Variants in FGF1 observed in about 807,000 individuals in gnomAD.
FGF1 encodes beta-endothelial cell growth factor.
FGF1 carries 9 observed loss-of-function variants against 13.4 expected under a neutral mutation model. The ratio of observed to expected loss-of-function variants is 0.67; its 90% CI spans 0.40 to 1.17. FGF1 has a LOEUF of 1.17. Among genes scored for constraint, FGF1 ranks in the 50% most tolerant of loss-of-function variants. The pLI is 0.01. For synonymous variants in FGF1, 93 were observed against 79.0 expected (o/e 1.18, Z -0.94); for missense variants, 156 against 192.7 (o/e 0.81, Z 1.13).
intron 1 of FGF1, among the ~76,000 whole-genome samples, chr5:142,650,209 T>C (rs1766979401): frequency 6.6e-6 from 1 of 152,138 alleles, no homozygotes. Context: ...GGAGATGACA[T>C]TGACTGACTG....
intron 3 of FGF1, 21 bp from the exon 4 acceptor site, chr5:142,595,505 GA>G: frequency 6.2e-7 from 1 of 1,603,928 alleles, no homozygotes; most frequent in East Asian, 2.2e-5. Flanking sequence ...AAAACCAAAA[GA>G]GAGTAGGACA....
In FGF1 at chr5:142,618,568, A is replaced by T. The variant is rs541034848; in HGVS notation, c.-34-4407T>A. On this transcript the variant is annotated intron_variant, in intron 1 of 3. Coordinates refer to ENST00000337706, the MANE Select transcript of FGF1 (RefSeq NM_000800.5). The stretch of plus-strand genomic sequence containing the variant: ...TCAGCTGTGATTAAATGCTTAATTT[A>T]AAATAATTTTTTAATTGGTTTGAAA... 3.3e-5 allele frequency among the ~76,000 whole-genome samples: 5 copies of T among 152,314 alleles called. No homozygotes were observed. In the South Asian group the frequency reaches 8.3e-4, roughly 25 times the overall value.
intron 1 of FGF1, among the ~76,000 whole-genome samples, chr5:142,641,137 T>C (rs1765141111): frequency 6.6e-6 from 1 of 152,046 alleles, no homozygotes; most frequent in Non-Finnish European, 1.5e-5. Context: ...TTTGAGACTT[T>C]CCAGTGGAGA....
chr5:142,671,184 T>G (rs1771395877), intron 1 of FGF1, among the ~76,000 whole-genome samples: 2 of 152,224 alleles, frequency 1.3e-5, no homozygotes, highest in South Asian at 4.1e-4. Context: ...GCTTGCTGTT[T>G]GTAAGGAAAA....
intron 2 of FGF1, among the ~76,000 whole-genome samples, chr5:142,602,176 CTT>C (rs5871820): frequency 2.8e-5 from 4 of 145,028 alleles, no homozygotes; most frequent in African/African-American, 7.5e-5. Context: ...GTGTTCTTTT[CTT>C]TTTTTTTTTT....
intron 1 of FGF1, among the ~76,000 whole-genome samples, chr5:142,616,014 C>T (rs1003108874): frequency 3.3e-5 from 5 of 152,214 alleles, no homozygotes; most frequent in African/African-American, 1.2e-4. Context: ...CCATGCATCT[C>T]CACCTTCTCC....
At chr5:142,679,221 C>T (rs1773245844) in intron 1 of FGF1, among the ~76,000 whole-genome samples, 1 of 152,170 alleles carries the variant, frequency 6.6e-6, no homozygotes, top group Non-Finnish European at 1.5e-5. Context: ...CTGCACTCAG[C>T]CACACTGGCC....
intron 1 of FGF1, among the ~76,000 whole-genome samples, chr5:142,660,308 G>T (rs563085791): frequency 6.6e-6 from 1 of 152,332 alleles, no homozygotes; most frequent in East Asian, 1.9e-4. Context: ...GGAAGAGTTG[G>T]CCCCCGGCAC....
upstream of FGF1, among the ~76,000 whole-genome samples, chr5:142,689,048 A>T (rs1751714252): frequency 6.6e-6 from 1 of 152,146 alleles, no homozygotes; most frequent in Non-Finnish European, 1.5e-5. Flanking sequence ...TGCCCCCAAT[A>T]TATACATTTT....
chr5:142,651,843 T>G (rs1329265862), intron 1 of FGF1, among the ~76,000 whole-genome samples: 3 of 151,164 alleles, frequency 2.0e-5, no homozygotes, highest in African/African-American at 4.9e-5. Context: ...TTTTTTTTTT[T>G]TGTGCTGAAT....
At chr5:142,645,444 C>G (rs1765862422) in intron 1 of FGF1, among the ~76,000 whole-genome samples, 1 of 152,122 alleles carries the variant, frequency 6.6e-6, no homozygotes, top group Non-Finnish European at 1.5e-5. Flanking sequence ...TGGATGAGAA[C>G]CTGGGCTTTG....
chr5:142,675,985 A>G (rs1471325581), intron 1 of FGF1, among the ~76,000 whole-genome samples: 3 of 152,166 alleles, frequency 2.0e-5, no homozygotes, highest in Non-Finnish European at 4.4e-5. Context: ...GGGAACATCT[A>G]CAGCTTAAAA....
At chr5:142,626,523 C>T (rs1405178139) in intron 1 of FGF1, among the ~76,000 whole-genome samples, 2 of 152,178 alleles carry the variant, frequency 1.3e-5, no homozygotes, top group African/African-American at 4.8e-5. Flanking sequence ...GAATAAAATG[C>T]CCCTTGAACT....
chr5:142,684,060 C>T (rs1027989044), intron 1 of FGF1, among the ~76,000 whole-genome samples: 9 of 152,168 alleles, frequency 5.9e-5, no homozygotes, highest in East Asian at 3.8e-4. Context: ...CTTTGCACTG[C>T]GGACTCGCCC....
chr5:142,674,422 G>C (rs557731104), intron 1 of FGF1, among the ~76,000 whole-genome samples: 1 of 152,180 alleles, frequency 6.6e-6, no homozygotes, highest in Non-Finnish European at 1.5e-5. Flanking sequence ...AAAGTCCCTG[G>C]AGAGGGGGAC....
chr5:142,617,351 C>T (rs145364201), intron 1 of FGF1, among the ~76,000 whole-genome samples: 2,311 of 151,610 alleles, frequency 0.015, 62 homozygotes, highest in African/African-American at 0.052. Context: ...GGCGACAGAG[C>T]GAGACTCTGT....
At chr5:142,616,338 A>G (rs776066514) in intron 1 of FGF1, among the ~76,000 whole-genome samples, 7 of 152,224 alleles carry the variant, frequency 4.6e-5, no homozygotes, top group Non-Finnish European at 8.8e-5. Flanking sequence ...AGGTGCCTCC[A>G]AGAATCCCAA....
chr5:142,663,467 G>C (rs998259970), intron 1 of FGF1, among the ~76,000 whole-genome samples: 45 of 152,090 alleles, frequency 3.0e-4, no homozygotes, highest in East Asian at 7.7e-4. Flanking sequence ...AGAGAACAAG[G>C]GTGTTTTAAA....
chr5:142,676,249 G>C (rs1446663543), intron 1 of FGF1, among the ~76,000 whole-genome samples: 1 of 152,146 alleles, frequency 6.6e-6, no homozygotes, highest in Non-Finnish European at 1.5e-5. Flanking sequence ...CAGAAAATTT[G>C]CCAGCCGCAA....
Sources: gnomAD v4.1 joint callset for allele counts (sites outside exome capture counted in the v4.1 genomes callset) on GRCh38, gnomAD v4.1.1 for gene constraint, MANE v1.5 for transcripts, NCBI Gene and HGNC (gene_info 2026-07-23, HGNC 2026-07-21) for gene names.